SPAG16: variants seen among roughly 807,000 people sequenced by gnomAD.
SPAG16 encodes sperm associated antigen 16, also known as sperm-associated antigen 16 protein.
Under a neutral mutation model 80.4 loss-of-function variants are expected in SPAG16, and 86 were observed. That is an observed-to-expected ratio of 1.07 (90% CI 0.90 to 1.28). The LOEUF (loss-of-function observed/expected upper bound fraction) is 1.28, where lower values mean the gene tolerates loss of function less well. SPAG16 is among the 50% of genes most tolerant of loss of function. The pLI, the probability that SPAG16 is intolerant of heterozygous loss-of-function variation, is 0.00. For synonymous variants in SPAG16, 294 were observed against 265.9 expected (o/e 1.11, Z -1.03); for missense variants, 870 against 765.3 (o/e 1.14, Z -1.61).
intron 13 of SPAG16, among the ~76,000 whole-genome samples, chr2:214,021,730 A>G (rs531872627): frequency 6.6e-6 from 1 of 152,186 alleles, no homozygotes; most frequent in African/African-American, 2.4e-5. Context: ...TTGATTTTAT[A>G]TACTGTGTTA....
chr2:214,124,736 G>T (rs960470314), intron 14 of SPAG16, among the ~76,000 whole-genome samples: 1 of 151,690 alleles, frequency 6.6e-6, no homozygotes, highest in Non-Finnish European at 1.5e-5. Flanking sequence ...GCAAAACCAC[G>T]GGCAGAACAA....
At chr2:214,195,465 A>G (rs1489621014) in intron 15 of SPAG16, among the ~76,000 whole-genome samples, 1 of 152,078 alleles carries the variant, frequency 6.6e-6, no homozygotes, top group Non-Finnish European at 1.5e-5. Context: ...TGAGGAGACC[A>G]CTGATGGGGC....
chr2:213,298,006 T>G (rs1219987), intron 3 of SPAG16, among the ~76,000 whole-genome samples: 15,191 of 152,206 alleles, frequency 0.1, 2,515 homozygotes, highest in African/African-American at 0.34. Context: ...TGAAGGAATT[T>G]GTGAAACTCC....
intron 15 of SPAG16, among the ~76,000 whole-genome samples, chr2:214,254,672 C>A (rs1690553541): frequency 6.6e-6 from 1 of 151,962 alleles, no homozygotes; most frequent in African/African-American, 2.4e-5. Context: ...CTTACTTAAT[C>A]TTTTGTTTCT....
chr2:214,037,519 G>A (rs1253500728), intron 13 of SPAG16, among the ~76,000 whole-genome samples: 2 of 152,060 alleles, frequency 1.3e-5, no homozygotes, highest in African/African-American at 4.8e-5. Flanking sequence ...GTAAAGTTCT[G>A]TGTGTATAAT....
In SPAG16 at chr2:213,317,156, C is replaced by A. The variant is rs1399889337; in HGVS notation, c.399-63C>A. 1.9e-5 allele frequency: 21 copies of A among 1,088,290 alleles called. No individual in the cohort carries two copies. In the East Asian group the frequency reaches 4.3e-4, roughly 22 times the overall value. 67.4% of individuals were successfully genotyped at this position (1,088,290 alleles called of 1,614,324 possible). A position where few individuals can be genotyped will look rare whatever the true frequency, so the allele number is the denominator to read the frequency against. On this transcript the variant is annotated intron_variant, in intron 4 of 15. Coordinates refer to ENST00000331683, the MANE Select transcript of SPAG16 (RefSeq NM_024532.5). ...CTGAGACTTAACTTTTTGAATTGTA[C>A]ATAAATTAAGCCAATTTGGCAGAAA...
At chr2:213,958,368 A>G (rs1308222384) in intron 12 of SPAG16, among the ~76,000 whole-genome samples, 1 of 151,482 alleles carries the variant, frequency 6.6e-6, no homozygotes, top group East Asian at 2.0e-4. Flanking sequence ...AGTTGTATAA[A>G]CTCCTCCCAG....
intron 10 of SPAG16, among the ~76,000 whole-genome samples, chr2:213,848,791 T>C (rs974828301): frequency 1.1e-4 from 17 of 152,170 alleles, no homozygotes; most frequent in African/African-American, 3.4e-4. Context: ...GCATCTCAAA[T>C]TACATATAGT....
At chr2:214,065,232 T>C (rs1339921953) in intron 13 of SPAG16, among the ~76,000 whole-genome samples, 2 of 152,082 alleles carry the variant, frequency 1.3e-5, no homozygotes, top group East Asian at 3.8e-4. Context: ...ATGTCACTAA[T>C]ATATTTATCC....
At chr2:214,107,553 TC>T (rs1436917918) in intron 13 of SPAG16, among the ~76,000 whole-genome samples, 5 of 152,154 alleles carry the variant, frequency 3.3e-5, no homozygotes, top group Non-Finnish European at 5.9e-5. Flanking sequence ...GGTCCATCTT[TC>T]CCGGAAACAT....
intron 13 of SPAG16, among the ~76,000 whole-genome samples, chr2:214,076,478 G>A (rs1286924197): frequency 2.0e-5 from 3 of 151,592 alleles, no homozygotes; most frequent in African/African-American, 7.3e-5. Context: ...GAAAATTAGG[G>A]TATCTCAATT....
chr2:213,362,872 G>C (rs1450687659), intron 7 of SPAG16, among the ~76,000 whole-genome samples: 1 of 152,092 alleles, frequency 6.6e-6, no homozygotes, highest in East Asian at 1.9e-4. Flanking sequence ...TCTGCAGAGA[G>C]ATCTGCCTCC....
rs1331714828 is a variant in SPAG16 at position 214,264,752 on chromosome 2, T to C, written c.1720+115486T>C. ...ACAGAATAGTTTTACTGCCCTAAAA[T>C]TCCCCTGTGTGCCACCTATTTATCC... On this transcript the variant is annotated intron_variant, in intron 15 of 15. Transcript: ENST00000331683. Among the ~76,000 whole-genome samples the C allele has an allele frequency of 3.9e-5, 6 of 152,246 alleles. No homozygotes were observed. In the East Asian group the frequency reaches 1.2e-3, roughly 29 times the overall value.
At chr2:214,040,523 A>G (rs781141153) in intron 13 of SPAG16, among the ~76,000 whole-genome samples, 1 of 152,202 alleles carries the variant, frequency 6.6e-6, no homozygotes, top group East Asian at 1.9e-4. Flanking sequence ...CCCACTTATA[A>G]GTGAGAACAT....
At chr2:214,197,715 C>A (rs916907071) in intron 15 of SPAG16, among the ~76,000 whole-genome samples, 1 of 151,862 alleles carries the variant, frequency 6.6e-6, no homozygotes, top group African/African-American at 2.4e-5. Flanking sequence ...CTGTTATTTA[C>A]ATTTTGGTAC....
chr2:214,092,492 T>C (rs1437011875), intron 13 of SPAG16, among the ~76,000 whole-genome samples: 1 of 143,732 alleles, frequency 7.0e-6, no homozygotes, highest in Non-Finnish European at 1.5e-5. Flanking sequence ...TGTGTTACTA[T>C]GAATATATAT....
intron 10 of SPAG16, among the ~76,000 whole-genome samples, chr2:213,715,222 G>GTCTGTCTGTCTA (rs547716333): frequency 8.1e-5 from 9 of 110,576 alleles, no homozygotes; most frequent in African/African-American, 1.4e-4. Context: ...AGATCTATCT[G>GTCTGTCTGTCTA]TCTATCTATC....
intron 15 of SPAG16, among the ~76,000 whole-genome samples, chr2:214,159,237 T>G (rs1358194259): frequency 1.3e-5 from 2 of 152,000 alleles, no homozygotes; most frequent in Non-Finnish European, 2.9e-5. Flanking sequence ...GAAGAGATAA[T>G]TAGACCTTTT....
intron 12 of SPAG16, among the ~76,000 whole-genome samples, chr2:213,998,693 G>C (rs1036457698): frequency 1.3e-5 from 2 of 152,196 alleles, no homozygotes; most frequent in Non-Finnish European, 2.9e-5. Context: ...ATGTGGGAAA[G>C]TTTGGAACTT....
Sources: gnomAD v4.1 joint callset for allele counts (sites outside exome capture counted in the v4.1 genomes callset) on GRCh38, gnomAD v4.1.1 for gene constraint, MANE v1.5 for transcripts, NCBI Gene and HGNC (gene_info 2026-07-23, HGNC 2026-07-21) for gene names.